Variants in SCRG1 observed in about 807,000 individuals in gnomAD.
SCRG1 encodes the protein stimulator of chondrogenesis 1.
SCRG1 carries 3 observed loss-of-function variants against 7.7 expected under a neutral mutation model. The observed-to-expected ratio is 0.39, with a 90% CI of 0.18 to 1.01. The LOEUF is 1.01. Among genes scored for constraint, SCRG1 ranks in the 50% least tolerant of loss-of-function variants. The pLI, the probability that SCRG1 is intolerant of heterozygous loss-of-function variation, is 0.36. For synonymous variants in SCRG1, 46 were observed against 41.2 expected (o/e 1.12, Z -0.44); for missense variants, 110 against 117.2 (o/e 0.94, Z 0.28).
At chr4:173,499,035 GT>G in the SCRG1 span, among the ~76,000 whole-genome samples, 3 of 152,178 alleles carry the variant, frequency 2.0e-5, no homozygotes, top group African/African-American at 7.2e-5. The surrounding 1 kb of genome is among the most constrained non-coding windows in gnomAD (Gnocchi z 4.1). Context: ...AAGGCCGCGG[GT>G]TCTGGAGACA....
At chr4:173,503,018 C>T in the SCRG1 span, among the ~76,000 whole-genome samples, 3 of 152,172 alleles carry the variant, frequency 2.0e-5, no homozygotes, top group South Asian at 2.1e-4. This position sits in a 1 kb window ranked among gnomAD's most constrained non-coding sequence, Gnocchi z 6.4. Flanking sequence ...ACCTAGCACC[C>T]GTGGACCTCA....
the SCRG1 span, among the ~76,000 whole-genome samples, chr4:173,483,199 T>TATATTATATATTATATATAA: frequency 1.4e-5 from 1 of 73,886 alleles, no homozygotes; most frequent in Non-Finnish European, 2.1e-5. Context: ...ATGATATATA[T>TATATTATATATTATATATAA]TATATGATAT....
the SCRG1 span, among the ~76,000 whole-genome samples, chr4:173,471,870 C>T: frequency 2.0e-5 from 3 of 152,174 alleles, no homozygotes; most frequent in African/African-American, 4.8e-5. Flanking sequence ...CCACCACGCC[C>T]AGCTAATTTT....
At chr4:173,421,369 T>C in the SCRG1 span, among the ~76,000 whole-genome samples, 4 of 151,016 alleles carry the variant, frequency 2.6e-5, no homozygotes, top group South Asian at 4.2e-4. Flanking sequence ...GAACAGTAAA[T>C]GACTCTTAGG....
At chr4:173,518,662 C>T in the SCRG1 span, among the ~76,000 whole-genome samples, 1 of 152,192 alleles carries the variant, frequency 6.6e-6, no homozygotes, top group Non-Finnish European at 1.5e-5. Context: ...ATCTGGGACC[C>T]GCCTTCACCG....
At chr4:173,483,751 G>GATATATCATATA in the SCRG1 span, among the ~76,000 whole-genome samples, 3 of 3,458 alleles carry the variant, frequency 8.7e-4, 1 homozygote, top group African/African-American at 1.4e-3. Flanking sequence ...TATATTATAT[G>GATATATCATATA]TGATATATCA....
the SCRG1 span, among the ~76,000 whole-genome samples, chr4:173,510,886 T>C: frequency 6.6e-6 from 1 of 152,194 alleles, no homozygotes; most frequent in Non-Finnish European, 1.5e-5. The surrounding 1 kb of genome is among the most constrained non-coding windows in gnomAD (Gnocchi z 5.7). Flanking sequence ...CTCTCCCTAG[T>C]AGAGAAGAAT....
At chr4:173,396,741 T>TGTGTGTGTGA (rs35823365) in intron 1 of SCRG1, among the ~76,000 whole-genome samples, 7,429 of 145,554 alleles carry the variant, frequency 0.051, 223 homozygotes, top group Non-Finnish European at 0.06. Context: ...TGTGTGTGTG[T>TGTGTGTGTGA]GTGTGTGTAT....
chr4:173,481,079 A>G, the SCRG1 span, among the ~76,000 whole-genome samples: 1 of 152,196 alleles, frequency 6.6e-6, no homozygotes, highest in African/African-American at 2.4e-5. Flanking sequence ...TTTAAAAATA[A>G]AATAACATAC....
the SCRG1 span, among the ~76,000 whole-genome samples, chr4:173,477,144 A>G: frequency 6.6e-6 from 1 of 152,158 alleles, no homozygotes; most frequent in East Asian, 1.9e-4. Flanking sequence ...TCTTCCAGCC[A>G]AGCTCCCTTC....
chr4:173,511,237 C>T, the SCRG1 span, among the ~76,000 whole-genome samples: 1 of 152,114 alleles, frequency 6.6e-6, no homozygotes, highest in Non-Finnish European at 1.5e-5. The surrounding 1 kb of genome is among the most constrained non-coding windows in gnomAD (Gnocchi z 5.2). Context: ...CTCGACCTCC[C>T]AAAGTGCTGG....
chr4:173,498,132 A>G, the SCRG1 span, among the ~76,000 whole-genome samples: 1 of 152,232 alleles, frequency 6.6e-6, no homozygotes. Flanking sequence ...CTCTCTGTTA[A>G]GTTTGCCTAG....
the SCRG1 span, among the ~76,000 whole-genome samples, chr4:173,463,058 AC>A: frequency 6.6e-6 from 1 of 152,144 alleles, no homozygotes; most frequent in Non-Finnish European, 1.5e-5. Context: ...CCACAAAACA[AC>A]CAGAAAACAA....
chr4:173,429,309 A>T, the SCRG1 span, among the ~76,000 whole-genome samples: 101 of 152,120 alleles, frequency 6.6e-4, no homozygotes, highest in African/African-American at 2.2e-3. Context: ...TTTTGAGACA[A>T]AGTCTTGTTC....
chr4:173,415,721 G>A, the SCRG1 span, among the ~76,000 whole-genome samples: 1 of 152,164 alleles, frequency 6.6e-6, no homozygotes, highest in African/African-American at 2.4e-5. Context: ...GCGTGCCCAA[G>A]TTACTTAATT....
chr4:173,478,372 AAAAAAAC>A, the SCRG1 span, among the ~76,000 whole-genome samples: 4 of 152,066 alleles, frequency 2.6e-5, no homozygotes, highest in Non-Finnish European at 4.4e-5. Context: ...TTGATGGAAG[AAAAAAAC>A]AAAAAACAAA....
At chr4:173,410,366 G>A (rs1158512543), upstream of SCRG1, among the ~76,000 whole-genome samples, 1 of 152,236 alleles carries the variant, frequency 6.6e-6, no homozygotes, top group Non-Finnish European at 1.5e-5. Flanking sequence ...TGCTGCCTGT[G>A]CAGTGTTCCA....
At chr4:173,458,892 A>G in the SCRG1 span, among the ~76,000 whole-genome samples, 5 of 152,354 alleles carry the variant, frequency 3.3e-5, no homozygotes, top group South Asian at 1.0e-3. Flanking sequence ...AAAGACATAC[A>G]TAGACCAAAA....
the SCRG1 span, among the ~76,000 whole-genome samples, chr4:173,417,112 A>G: frequency 6.6e-6 from 1 of 151,784 alleles, no homozygotes; most frequent in Non-Finnish European, 1.5e-5. Context: ...ACACACACAC[A>G]CAGACACACA....
Sources: allele counts gnomAD v4.1 joint callset (sites outside exome capture counted in the v4.1 genomes callset), GRCh38; gene constraint gnomAD v4.1.1; non-coding constraint Gnocchi (gnomAD v3.1); transcripts MANE v1.5; gene names NCBI Gene and HGNC (gene_info 2026-07-23, HGNC 2026-07-21).